CBX3: variants seen among roughly 807,000 people sequenced by gnomAD.
CBX3 encodes the protein chromobox 3.
A neutral mutation model predicts 22.6 loss-of-function variants in CBX3; 5 were observed. That is an observed-to-expected ratio of 0.22 (90% CI 0.12 to 0.47). The LOEUF is 0.47. Among genes scored for constraint, CBX3 ranks in the 20% least tolerant of loss-of-function variants. CBX3 has a pLI of 0.99. For missense variants in CBX3, 83 were observed against 208.1 expected, an observed-to-expected ratio of 0.40 and a Z score of 3.70; for synonymous variants, 50 against 66.6, an observed-to-expected ratio of 0.75 and a Z score of 1.21.
chr7:26,204,357 A>T (rs938038592), intron 2 of CBX3, among the ~76,000 whole-genome samples: 1 of 151,844 alleles, frequency 6.6e-6, no homozygotes, highest in African/African-American at 2.4e-5. Flanking sequence ...TAGGTATCTG[A>T]TACACTTCTG....
intron 3 of CBX3, among the ~76,000 whole-genome samples, chr7:26,207,685 A>G (rs28519579): frequency 0.045 from 6,820 of 151,922 alleles, 543 homozygotes; most frequent in African/African-American, 0.16. Flanking sequence ...TGCCCGGCTA[A>G]TTTTTGTATT....
chr7:26,209,130 C>T (rs1299428692), intron 4 of CBX3, among the ~76,000 whole-genome samples: 2 of 151,454 alleles, frequency 1.3e-5, no homozygotes, highest in Admixed American at 6.6e-5. Context: ...TGATCTCAAA[C>T]TCCTGACATC....
chr7:26,211,627 T>C, intron 4 of CBX3, 35 bp from the exon 5 acceptor site: 5 of 1,333,342 alleles, frequency 3.7e-6, no homozygotes, highest in Non-Finnish European at 5.3e-6. Flanking sequence ...TTTAATACTC[T>C]GAGTTTGCTG....
chr7:26,201,708 C>G (rs1490990973), upstream of CBX3: 2 of 151,736 alleles, frequency 1.3e-5, no homozygotes, highest in African/African-American at 2.4e-5. Context: ...CACCCCTCCC[C>G]CCGGCGGCCC....
rs141628788 is a variant in CBX3 at position 26,210,427 on chromosome 7, T to C, written c.331-1235T>C. The C allele has an allele frequency of 5.9e-5, 9 of 152,372 alleles. No homozygotes were observed. In the East Asian group the frequency reaches 1.2e-3, roughly 20 times the overall value. The allele number at this position is 152,372 out of a possible 1,614,324, so 9.4% of individuals were successfully genotyped here. Reference sequence around the variant, plus strand: ...CTGTGCAGTAGATACTAAAATTCTGTTTTATTAACCTAAACCACAAAGAGG... The same window carrying C: ...CTGTGCAGTAGATACTAAAATTCTGCTTTATTAACCTAAACCACAAAGAGG... On this transcript the variant is annotated intron_variant, in intron 4 of 5. Transcript: ENST00000396386.
chr7:26,210,292 A>T (rs1254043816), intron 4 of CBX3: 2 of 152,262 alleles, frequency 1.3e-5, no homozygotes, highest in African/African-American at 2.4e-5. Flanking sequence ...ACCTTGTCTC[A>T]AAAAATTATT....
intron 4 of CBX3, among the ~76,000 whole-genome samples, chr7:26,209,751 T>A (rs1784763011): frequency 6.6e-6 from 1 of 152,232 alleles, no homozygotes; most frequent in African/African-American, 2.4e-5. Context: ...CACCCTTGAT[T>A]GTAAAACAGA....
At chr7:26,202,682 A>C (rs1358834520) in intron 1 of CBX3, 1 of 366,126 alleles carries the variant, frequency 2.7e-6, no homozygotes, top group African/African-American at 2.1e-5. Flanking sequence ...CATGGACTTT[A>C]TTATAAATGG....
chr7:26,208,961 CAG>C (rs947235853), intron 4 of CBX3, among the ~76,000 whole-genome samples: 10 of 92,154 alleles, frequency 1.1e-4, no homozygotes, highest in East Asian at 8.7e-4. Flanking sequence ...TCCTGGGAGA[CAG>C]AGTCTCCCTC....
At chr7:26,206,628 A>G (rs563053656) in intron 3 of CBX3, 118 bp downstream of exon 3, 2 of 938,318 alleles carry the variant, frequency 2.1e-6, no homozygotes, top group Non-Finnish European at 3.3e-6. Flanking sequence ...ATGTAAAGAC[A>G]CTTTGAATTT....
chr7:26,203,098 T>G, intron 2 of CBX3, 76 bp downstream of exon 2: 15 of 879,710 alleles, frequency 1.7e-5, no homozygotes, highest in Non-Finnish European at 2.4e-5. Flanking sequence ...TTTGCATCTC[T>G]GTGGCTGAGA....
chr7:26,204,043 A>G (rs768573510), intron 2 of CBX3, among the ~76,000 whole-genome samples: 6 of 152,224 alleles, frequency 3.9e-5, no homozygotes, highest in Admixed American at 6.5e-5. Flanking sequence ...TTAAAAATTC[A>G]TTAGTGTTGT....
chr7:26,203,336 G>A (rs1784595077), intron 2 of CBX3, among the ~76,000 whole-genome samples: 1 of 152,160 alleles, frequency 6.6e-6, no homozygotes, highest in Admixed American at 6.5e-5. Context: ...ACATAAAATG[G>A]TAAAGCCCTT....
At position 26,213,594 on chromosome 7, in the gene CBX3, G is replaced by A. The variant is rs1478261936; in HGVS notation, c.*1386G>A. On this transcript the variant is annotated 3_prime_UTR_variant, in exon 6 of 6. Coordinates refer to ENST00000396386, the MANE Select transcript of CBX3 (RefSeq NM_016587.4). ...AGGGTCAATTGTCTCATTAAAATGAGGTTTTAAATTCTGGTTTGTTGTAAC... is the reference window on the plus strand; with the variant it reads ...AGGGTCAATTGTCTCATTAAAATGAAGTTTTAAATTCTGGTTTGTTGTAAC... Among the ~76,000 whole-genome samples the A allele has an allele frequency of 6.6e-6, 1 of 152,098 alleles. No homozygotes were observed. The highest frequency in any genetic ancestry group is 1.5e-5 in the Non-Finnish European group (1 of 68,004).
intron 3 of CBX3, 144 bp from the exon 4 acceptor site, chr7:26,208,249 A>T: frequency 1.9e-6 from 1 of 532,914 alleles, no homozygotes; most frequent in Non-Finnish European, 3.2e-6. Context: ...GGGGTGGGGT[A>T]ATGTAGGGAA....
At chr7:26,202,171 C>A (rs1784507435) in intron 1 of CBX3, 1 of 151,962 alleles carries the variant, frequency 6.6e-6, no homozygotes, top group Non-Finnish European at 1.5e-5. Context: ...TGGGTCGAGA[C>A]TTGGGCCTCC....
chr7:26,205,939 A>C (rs896353732), intron 2 of CBX3: 2 of 155,618 alleles, frequency 1.3e-5, no homozygotes, highest in African/African-American at 4.8e-5. Flanking sequence ...CACAAAAAAA[A>C]TTAGCCCGGC....
At chr7:26,210,043 A>G (rs1008554573) in intron 4 of CBX3, 1 of 152,052 alleles carries the variant, frequency 6.6e-6, no homozygotes, top group African/African-American at 2.4e-5. Flanking sequence ...TAATCCCAGC[A>G]CCTTGGGAAA....
rs1363003766 is a variant in CBX3, at chr7:26,212,362, T to G, written c.*154T>G. The G allele has an allele frequency of 2.6e-6, 1 of 386,900 alleles. No individual in the cohort carries two copies. The highest frequency in any genetic ancestry group is 4.1e-6 in the Non-Finnish European group (1 of 246,526). 24.0% of individuals were successfully genotyped at this position (386,900 alleles called of 1,614,324 possible). A position where few individuals can be genotyped will look rare whatever the true frequency, so the allele number is the denominator to read the frequency against. On this transcript the variant is annotated 3_prime_UTR_variant, in exon 6 of 6. Transcript: ENST00000396386. ...GTAGCGTTGGAAGAGTTGTTGGGGG[T>G]TTTTTGCATCCATAGCACTGGTTAC...
Sources: allele counts gnomAD v4.1 joint callset (sites outside exome capture counted in the v4.1 genomes callset), GRCh38; gene constraint gnomAD v4.1.1; transcripts MANE v1.5; gene names NCBI Gene and HGNC (gene_info 2026-07-23, HGNC 2026-07-21).